Variants in ACY3 observed in about 807,000 individuals in gnomAD.
ACY3 encodes N-acyl-aromatic-L-amino acid amidohydrolase (carboxylate-forming).
A neutral mutation model predicts 24.6 loss-of-function variants in ACY3; 20 were observed. The ratio of observed to expected loss-of-function variants is 0.81; its 90% confidence interval spans 0.57 to 1.18. The LOEUF is 1.18. Ranked by LOEUF, ACY3 falls within the 50% of genes most tolerant of loss-of-function variation. The pLI, the probability that ACY3 is intolerant of heterozygous loss-of-function variation, is 0.00. For missense variants in ACY3, 423 were observed against 426.8 expected (o/e 0.99, Z 0.08); for synonymous variants, 174 against 188.4 (o/e 0.92, Z 0.62).
chr11:67,648,335 C>T (rs190128580), intron 1 of ACY3, among the ~76,000 whole-genome samples: 6 of 152,258 alleles, frequency 3.9e-5, no homozygotes, highest in East Asian at 1.9e-4. Flanking sequence ...GCCCTAGAGG[C>T]GGGCTGTAGG....
intron 3 of ACY3, among the ~76,000 whole-genome samples, chr11:67,646,186 T>C (rs1855514182): frequency 6.6e-6 from 1 of 152,212 alleles, no homozygotes; most frequent in South Asian, 2.1e-4. Flanking sequence ...CCCCCAGGCC[T>C]GTGCTGTGCT....
Position 67,645,810 on chromosome 11 carries a change from G to A in ACY3, c.314C>T (p.Ser105Leu), listed in dbSNP as rs532661025. 2.7e-5 allele frequency: 44 copies of A among 1,613,946 alleles called. No individual in the cohort carries two copies. In the South Asian group the frequency reaches 4.4e-4, roughly 16 times the overall value. ...AAGGACAAAGTCAAAGGCCTGGCCC[G>A]AGGCCTTGGGCCCCAGCAGCTGGTT... ...ELNQLLGPKA[S>L]GQAFDFVLDL... The change falls in exon 4 of 8, where the codon TCG (serine) becomes TTG (leucine). Residue 105 changes from serine to leucine, a missense_variant. Transcript: ENST00000255082.
At chr11:67,643,511 C>T (rs1855448640) in intron 7 of ACY3, among the ~76,000 whole-genome samples, 1 of 151,006 alleles carries the variant, frequency 6.6e-6, no homozygotes, top group Middle Eastern at 3.5e-3. Flanking sequence ...AATTTCATCT[C>T]TACTAAAAAT....
chr11:67,648,223 C>T (rs1265014014), intron 1 of ACY3, among the ~76,000 whole-genome samples: 2 of 152,198 alleles, frequency 1.3e-5, no homozygotes, highest in South Asian at 2.1e-4. Flanking sequence ...TCTGCAGGCA[C>T]ACAAGCCCTA....
intron 7 of ACY3, 42 bp from the exon 8 acceptor site, chr11:67,642,981 T>A: frequency 6.4e-7 from 1 of 1,573,924 alleles, no homozygotes; most frequent in Non-Finnish European, 8.7e-7. Context: ...GGGCCACCTC[T>A]GCCCTGGCCC....
Position 67,646,831 on chromosome 11 carries a change from G to A in ACY3, c.213C>T (p.Arg71=), listed in dbSNP as rs757103037. 1.9e-6 allele frequency: 3 copies of A among 1,613,142 alleles called. No homozygotes were observed. The highest frequency in any genetic ancestry group is 2.5e-6 in the Non-Finnish European group (3 of 1,179,972). ...ACTTGAGGAAGCTGCTGGTGAAGGT[G>A]CGGTTGAGGTCATGGTCCACGTAGC... is the stretch of plus-strand genomic sequence containing the variant. ...CRRYVDHDLN[R]TFTSSFLNSR... The change falls in exon 3 of 8, where the codon CGC becomes CGT. Residue 71 remains arginine (R), a synonymous_variant. Transcript: ENST00000255082.
chr11:67,645,849 C>G lies in ACY3; in HGVS notation c.275G>C (p.Arg92Thr). Residue 92 changes from arginine (R) to threonine (T), a missense_variant, in exon 4 of 8, where the codon AGA becomes ACA. Transcript: ENST00000255082. ...PTPDDPYEVT[R>T]ARELNQLLGP... ...CAGCAGCTGGTTCAGCTCTCGGGCT[C>G]TTGTCACCTCATATGGGTCGTCCGG... The G allele has an allele frequency of 6.2e-7, 1 of 1,612,854 alleles. No homozygotes were observed. The highest frequency in any genetic ancestry group is 8.5e-7 in the Non-Finnish European group (1 of 1,179,464).
chr11:67,644,814 G>C lies in ACY3; in HGVS notation c.690C>G (p.Asp230Glu). ...MEAYRPVGVV[D>E]FPRTEAGHLA... Reference sequence around the variant, plus strand: ...GGTGCCCGGCCTCGGTGCGGGGGAAGTCCACGACGCCCACGGGTCTATAGG... The same window carrying C: ...GGTGCCCGGCCTCGGTGCGGGGGAACTCCACGACGCCCACGGGTCTATAGG... Residue 230 changes from aspartate to glutamate, a missense_variant, in exon 7 of 8, where the codon GAC (aspartate) becomes GAG (glutamate). Physicochemically the swap from Asp to Glu is conservative, Grantham distance 45. Coordinates refer to ENST00000255082, the MANE Select transcript of ACY3 (RefSeq NM_080658.2). 1.3e-6 allele frequency: 2 copies of C among 1,574,736 alleles called. No homozygotes were observed. Among genetic ancestry groups the C allele is most frequent in the Non-Finnish European group, 1.7e-6 (2 of 1,160,348 alleles).
At chr11:67,644,010 A>T (rs2514033) in intron 7 of ACY3, among the ~76,000 whole-genome samples, 10,898 of 152,054 alleles carry the variant, frequency 0.072, 1,269 homozygotes, top group African/African-American at 0.25. Flanking sequence ...ATAATAATAA[A>T]AAATAAAATA....
intron 1 of ACY3, among the ~76,000 whole-genome samples, chr11:67,649,505 G>A (rs1855577799): frequency 6.6e-6 from 1 of 152,344 alleles, no homozygotes; most frequent in Non-Finnish European, 1.5e-5. Context: ...CTCAGAAACA[G>A]CAGCCCCCAG....
Position 67,642,603 on chromosome 11 carries a change from G to T in ACY3, c.*121C>A. On this transcript the variant is annotated 3_prime_UTR_variant, in exon 8 of 8. Transcript: ENST00000255082. ...AAAGGGAAATTGAGGCCAGGGGTTG[G>T]GGAGGCCTGGCAAGGAACATGGTGC... 9.8e-7 allele frequency: 1 copy of T among 1,020,430 alleles called. No individual in the cohort carries two copies. The highest frequency in any genetic ancestry group is 1.5e-6 in the Non-Finnish European group (1 of 658,232). The allele number at this position is 1,020,430 out of a possible 1,614,324, so 63.2% of individuals were successfully genotyped here. A position where few individuals can be genotyped will look rare whatever the true frequency, so the allele number is the denominator to read the frequency against.
chr11:67,642,969 T>G (rs1031223946), intron 7 of ACY3, 30 bp from the exon 8 acceptor site: 32 of 1,599,886 alleles, frequency 2.0e-5, no homozygotes, highest in Non-Finnish European at 2.7e-5. Context: ...CCAAGATTGC[T>G]GGGGCCACCT....
At chr11:67,649,695 G>T (rs1855584586) in intron 1 of ACY3, among the ~76,000 whole-genome samples, 1 of 151,176 alleles carries the variant, frequency 6.6e-6, no homozygotes, top group Non-Finnish European at 1.5e-5. Context: ...GTGCATGTGT[G>T]CATGTATGTG....
Position 67,643,000 on chromosome 11 carries a change from G to A in ACY3, c.745-61C>T, listed in dbSNP as rs906816531. On this transcript the variant is annotated intron_variant, in intron 7 of 7. Transcript: ENST00000255082. The stretch of plus-strand genomic sequence containing the variant: ...CACCTCTGCCCTGGCCCCAGAGGGG[G>A]GTGACCCCAGCTTGACACCCAAAAG... 2.0e-6 allele frequency: 3 copies of A among 1,502,450 alleles called. No homozygotes were observed. The African/African-American group carries it at 4.1e-5, about 21-fold the overall frequency. The allele number at this position is 1,502,450 out of a possible 1,614,324, so 93.1% of individuals were successfully genotyped here. A position where few individuals can be genotyped will look rare whatever the true frequency, so the allele number is the denominator to read the frequency against.
In ACY3 at chr11:67,645,692, C is replaced by A. The variant is rs201627867; in HGVS notation, c.432G>T (p.Gln144His). The A allele has an allele frequency of 6.3e-7, 1 of 1,598,536 alleles. No individual in the cohort carries two copies. The highest frequency in any genetic ancestry group is 8.5e-7 in the Non-Finnish European group (1 of 1,172,488). The change falls in exon 4 of 8, where the codon CAG becomes CAT. Residue 144 changes from glutamine to histidine, a missense_variant and splice_region_variant. Transcript: ENST00000255082. The stretch of plus-strand genomic sequence containing the variant: ...GCTGTGTGCTTGGGGCCGGGGCCAC[C>A]TGCAGATGGCGGCACAGGTGCATGG... The part of the protein sequence containing the change: ...VFAMHLCRHL[Q>H]LQYPELSCQV...
chr11:67,644,327 G>C (rs1855466165), intron 7 of ACY3, among the ~76,000 whole-genome samples: 1 of 152,214 alleles, frequency 6.6e-6, no homozygotes, highest in Non-Finnish European at 1.5e-5. Flanking sequence ...CATTCAGGAA[G>C]GGAAGGCCTG....
intron 1 of ACY3, among the ~76,000 whole-genome samples, chr11:67,649,150 C>A (rs146803476): frequency 3.2e-4 from 49 of 152,270 alleles, no homozygotes; most frequent in African/African-American, 1.1e-3. Flanking sequence ...AGGAGCCTGT[C>A]GGCCTGGGTC....
chr11:67,646,021 T>G, intron 3 of ACY3, 134 bp from the exon 4 acceptor site: 1 of 867,332 alleles, frequency 1.2e-6, no homozygotes. Context: ...TCAGACGTTG[T>G]GGCTGTGTCC....
intron 7 of ACY3, 147 bp from the exon 8 acceptor site, chr11:67,643,086 G>C (rs1263546312): frequency 8.5e-6 from 6 of 710,050 alleles, no homozygotes; most frequent in Non-Finnish European, 7.1e-6. Context: ...TATGACAGCA[G>C]GTCTGGTGAG....
Sources: gnomAD v4.1 joint callset for allele counts (sites outside exome capture counted in the v4.1 genomes callset) on GRCh38, gnomAD v4.1.1 for gene constraint, MANE v1.5 for transcripts, NCBI Gene and HGNC (gene_info 2026-07-23, HGNC 2026-07-21) for gene names.